Variants in ERCC2 observed in about 807,000 individuals in gnomAD.
ERCC2 encodes general transcription and DNA repair factor IIH helicase subunit XPD.
In ERCC2, 90 loss-of-function variants were observed where a neutral mutation model predicts 99.4. The observed-to-expected ratio is 0.91, with a 90% CI of 0.76 to 1.08. The LOEUF is 1.08. Ranked by LOEUF, ERCC2 falls within the 50% of genes least tolerant of loss-of-function variation. The pLI, the probability that ERCC2 is intolerant of heterozygous loss-of-function variation, is 0.00. For synonymous variants in ERCC2, 497 were observed against 432.4 expected, an observed-to-expected ratio of 1.15 and a Z score of -1.85; for missense variants, 993 against 1,038.1, an observed-to-expected ratio of 0.96 and a Z score of 0.60.
At chr19:45,351,943 C>A (rs900394129) in intron 22 of ERCC2, among the ~76,000 whole-genome samples, 4 of 152,208 alleles carry the variant, frequency 2.6e-5, no homozygotes, top group African/African-American at 7.2e-5. Context: ...TTTCTCCAGG[C>A]CAGCACCGTC....
chr19:45,356,135 C>T (rs1290433772), intron 15 of ERCC2, among the ~76,000 whole-genome samples: 1 of 152,154 alleles, frequency 6.6e-6, no homozygotes, highest in Non-Finnish European at 1.5e-5. Context: ...AGCAGCTACA[C>T]TCTAGCCAGC....
rs935952447 is a variant in ERCC2, at chr19:45,363,973, G to T, written c.949+13C>A. The T allele has an allele frequency of 3.8e-5, 58 of 1,538,582 alleles. No homozygotes were observed. Among genetic ancestry groups the T allele is most frequent in the Non-Finnish European group, 4.7e-5 (54 of 1,146,864 alleles). ...GGAAAGGGACTGGGGGGCAGCGGGG[G>T]GTCGGGGCTCACCCTGCAGCACTTC... is the stretch of plus-strand genomic sequence containing the variant. On this transcript the variant is annotated intron_variant, in intron 10 of 22. Coordinates refer to ENST00000391945, the MANE Select transcript of ERCC2 (RefSeq NM_000400.4).
chr19:45,362,384 T>C (rs1972256077), intron 11 of ERCC2, among the ~76,000 whole-genome samples: 1 of 152,196 alleles, frequency 6.6e-6, no homozygotes, highest in South Asian at 2.1e-4. Context: ...CGGAACCCCA[T>C]GGGCTCACAG....
intron 17 of ERCC2, 24 bp from the exon 18 acceptor site, chr19:45,353,358 AG>A (rs766456938): frequency 6.3e-7 from 1 of 1,584,608 alleles, no homozygotes; most frequent in South Asian, 1.1e-5. Context: ...CAGGGAGGTC[AG>A]GGTGGGTTCA....
intron 12 of ERCC2, among the ~76,000 whole-genome samples, chr19:45,360,969 A>G (rs1022097110): frequency 2.6e-5 from 4 of 152,028 alleles, no homozygotes; most frequent in Non-Finnish European, 5.9e-5. Flanking sequence ...CACCTCTACT[A>G]AAAATACAAA....
chr19:45,350,230 T>G lies in ERCC2; in HGVS notation c.*1399A>C, dbSNP rs1237578667. The G allele has an allele frequency of 4.4e-4, 337 of 770,944 alleles. 2 individuals are homozygous for G. Among genetic ancestry groups the G allele is most frequent in the Admixed American group, 9.5e-4 (37 of 38,968 alleles). 47.8% of individuals were successfully genotyped at this position (770,944 alleles called of 1,614,324 possible). A position where few individuals can be genotyped will look rare whatever the true frequency, so the allele number is the denominator to read the frequency against. ...TGAGGCTAGGAGTTCAAGACCAGCC[T>G]GGGCAACATACCAAGACCCCTGTCT... On this transcript the variant is annotated 3_prime_UTR_variant, in exon 23 of 23. Coordinates refer to ENST00000391945, the MANE Select transcript of ERCC2 (RefSeq NM_000400.4).
rs774480587 is a variant in ERCC2, at chr19:45,351,671, C to T, written c.2241G>A (p.Glu747=). The change falls in exon 23 of 23, where the codon GAG becomes GAA. Residue 747 remains glutamate (E), a synonymous_variant. Transcript: ENST00000391945. ...SLLSLEQLES[E]ETLKRIEQIA... ...TCTGCTCTATCCTCTTCAGCGTCTC[C>T]TCTGATTCTAGCTGCTCCAGGCTGA... 2 of 1,614,056 alleles carry T rather than the reference C, an allele frequency of 1.2e-6. No homozygotes were observed. Among genetic ancestry groups the T allele is most frequent in the Non-Finnish European group, 8.5e-7 (1 of 1,180,004 alleles).
chr19:45,364,358 A>G (rs368398208), intron 8 of ERCC2, 27 bp from the exon 9 acceptor site: 6 of 1,613,780 alleles, frequency 3.7e-6, no homozygotes, highest in Non-Finnish European at 5.1e-6. Context: ...GAGCCGGCTC[A>G]GGCAGGCCTG....
In ERCC2 at chr19:45,350,275, GGC is replaced by G; in HGVS notation, c.*1352_*1353del. ...CTGTCTCTACAAAAAAAAAAAAAAAGGCGGGACTGGATGCAGTGTTGGGAACT... is the reference window on the plus strand; with the variant it reads ...CTGTCTCTACAAAAAAAAAAAAAAAGGGGACTGGATGCAGTGTTGGGAACT... On this transcript the variant is annotated 3_prime_UTR_variant, in exon 23 of 23. Transcript: ENST00000391945. 8.6e-7 allele frequency: 1 copy of G among 1,164,436 alleles called. No homozygotes were observed. The highest frequency in any genetic ancestry group is 1.2e-6 in the Non-Finnish European group (1 of 818,400). 72.1% of individuals were successfully genotyped at this position (1,164,436 alleles called of 1,614,324 possible). A position where few individuals can be genotyped will look rare whatever the true frequency, so the allele number is the denominator to read the frequency against.
chr19:45,361,939 C>CT (rs1329828108), intron 11 of ERCC2: 13 of 382,824 alleles, frequency 3.4e-5, no homozygotes, highest in Non-Finnish European at 5.0e-5. Context: ...TTTTCTTTTT[C>CT]TTTTTTTTCT....
intron 22 of ERCC2, 65 bp from the exon 23 acceptor site, chr19:45,351,786 CT>C: frequency 6.9e-7 from 1 of 1,445,592 alleles, no homozygotes. Flanking sequence ...AGCTGCTGCA[CT>C]TCCCCAACCA....
In ERCC2 at chr19:45,361,546, G is replaced by A. The variant is rs531022685; in HGVS notation, c.1215C>T (p.Thr405=). 9.3e-6 allele frequency: 15 copies of A among 1,613,714 alleles called. No individual in the cohort carries two copies. Among genetic ancestry groups the A allele is most frequent in the Middle Eastern group, 1.6e-4 (1 of 6,062 alleles). Reference sequence around the variant, plus strand: ...TACCTTTGGCGTAGGTGCTGACAAGGGTGGCAAAGTTAGCAAGGAGGGTGA... The same window carrying A: ...TACCTTTGGCGTAGGTGCTGACAAGAGTGGCAAAGTTAGCAAGGAGGGTGA... ...SPLTLLANFA[T]LVSTYAKGFT... The change falls in exon 12 of 23, where the codon ACC becomes ACT. Residue 405 remains threonine, a synonymous_variant. Transcript: ENST00000391945.
At chr19:45,359,922 G>C (rs3916830) in intron 12 of ERCC2, among the ~76,000 whole-genome samples, 1 of 151,282 alleles carries the variant, frequency 6.6e-6, no homozygotes, top group African/African-American at 2.4e-5. Context: ...CTATAGGTGC[G>C]TGCCACCACG....
intron 2 of ERCC2, 61 bp from the exon 3 acceptor site, chr19:45,369,208 C>G: frequency 1.4e-6 from 2 of 1,400,168 alleles, no homozygotes; most frequent in Non-Finnish European, 2.0e-6. Context: ...CACACAAACT[C>G]TGGGGACTCT....
chr19:45,366,975 T>C (rs1342730855), intron 5 of ERCC2, among the ~76,000 whole-genome samples: 1 of 152,006 alleles, frequency 6.6e-6, no homozygotes, highest in Admixed American at 6.6e-5. Context: ...GTGGAGGTTG[T>C]GGTGAACCGA....
intron 17 of ERCC2, among the ~76,000 whole-genome samples, 159 bp downstream of exon 17, chr19:45,354,571 G>C (rs572459731): frequency 3.3e-5 from 5 of 152,138 alleles, no homozygotes; most frequent in African/African-American, 1.2e-4. Context: ...GGGGCATGGG[G>C]GTGTGTGCTG....
At chr19:45,357,901 C>CCCA in intron 12 of ERCC2, 2 of 622,270 alleles carry the variant, frequency 3.2e-6, no homozygotes, top group Non-Finnish European at 5.8e-6. Flanking sequence ...CCGCTTCGGG[C>CCCA]CCACACCTGT....
At chr19:45,351,871 T>C in intron 22 of ERCC2, 150 bp from the exon 23 acceptor site, 1 of 731,416 alleles carries the variant, frequency 1.4e-6, no homozygotes, top group Non-Finnish European at 2.3e-6. Flanking sequence ...GAGCGGGCCA[T>C]CCCTGTCAAC....
chr19:45,352,067 C>A (rs565607244), intron 22 of ERCC2, 142 bp downstream of exon 22: 1 of 997,424 alleles, frequency 1.0e-6, no homozygotes, highest in African/African-American at 1.6e-5. Context: ...CAGAGCCTGG[C>A]ACGTAGATGC....
Sources: allele counts gnomAD v4.1 joint callset (sites outside exome capture counted in the v4.1 genomes callset), GRCh38; gene constraint gnomAD v4.1.1; transcripts MANE v1.5; gene names NCBI Gene and HGNC (gene_info 2026-07-23, HGNC 2026-07-21).